The following MBNL1 variants were observed in gnomAD, a reference collection of about 807,000 sequenced individuals.
MBNL1 encodes muscleblind like splicing regulator 1, also known as muscleblind-like protein 1.
In MBNL1, 8 loss-of-function variants were observed where a neutral mutation model predicts 42.2. The observed-to-expected ratio is 0.19, with a 90% CI of 0.11 to 0.34. The LOEUF (loss-of-function observed/expected upper bound fraction) is 0.34, where lower values mean the gene tolerates loss of function less well. Ranked by LOEUF, MBNL1 falls within the 10% of genes least tolerant of loss-of-function variation. The pLI, the probability that MBNL1 is intolerant of heterozygous loss-of-function variation, is 1.00. For synonymous variants in MBNL1, 169 were observed against 173.9 expected, an observed-to-expected ratio of 0.97 and a Z score of 0.22; for missense variants, 309 against 495.3, an observed-to-expected ratio of 0.62 and a Z score of 3.57.
At chr3:152,338,198 T>C in intron 2 of MBNL1, 1 of 985,476 alleles carries the variant, frequency 1.0e-6, no homozygotes, top group South Asian at 4.7e-5. Context: ...ATGTATTTTG[T>C]TGCATTTCTC....
chr3:152,358,684 A>G (rs139452696), intron 2 of MBNL1, among the ~76,000 whole-genome samples: 3 of 152,180 alleles, frequency 2.0e-5, no homozygotes, highest in East Asian at 1.9e-4. Context: ...TAGTTTAACT[A>G]TCTTTTCTAA....
Position 152,432,866 on chromosome 3 carries a change from A to G in MBNL1, c.495A>G (p.Val165=), listed in dbSNP as rs757309204. 1 of 1,614,090 alleles carries G rather than the reference A, an allele frequency of 6.2e-7. No homozygotes were observed. Among genetic ancestry groups the G allele is most frequent in the Non-Finnish European group, 8.5e-7 (1 of 1,179,952 alleles). ...TTACAGGGAATCCGGGTGTCCCTGT[A>G]CCTGCAGCTGCTGCAGCTGCTGCAC... ...MLVTGNPGVP[V]PAAAAAAAQK... The change falls in exon 4 of 10, where the codon GTA becomes GTG. Residue 165 remains valine (V), a synonymous_variant. Coordinates refer to ENST00000324210, the MANE Select transcript of MBNL1 (RefSeq NM_021038.5).
At chr3:152,290,110 T>C (rs1360252725) in intron 1 of MBNL1, among the ~76,000 whole-genome samples, 1 of 152,100 alleles carries the variant, frequency 6.6e-6, no homozygotes, top group Non-Finnish European at 1.5e-5. Context: ...ATTTTCCTGA[T>C]TGAGGTTATC....
intron 2 of MBNL1, among the ~76,000 whole-genome samples, chr3:152,375,239 A>G (rs1048686997): frequency 2.5e-4 from 38 of 152,338 alleles, no homozygotes; most frequent in South Asian, 4.1e-4. Context: ...CAAGTAAAGC[A>G]TTGGCACTAA....
At chr3:152,422,394 G>A (rs756336583) in intron 3 of MBNL1, among the ~76,000 whole-genome samples, 7 of 151,724 alleles carry the variant, frequency 4.6e-5, no homozygotes, top group Non-Finnish European at 1.0e-4. Flanking sequence ...GCAACAAGAA[G>A]AGCTAACTAT....
intron 2 of MBNL1, among the ~76,000 whole-genome samples, chr3:152,409,594 C>T (rs781280669): frequency 2.6e-5 from 4 of 152,146 alleles, no homozygotes; most frequent in Non-Finnish European, 4.4e-5. Flanking sequence ...TCAGCTATCC[C>T]AAAAGGAAAT....
intron 2 of MBNL1, among the ~76,000 whole-genome samples, chr3:152,331,110 C>G (rs1002655662): frequency 8.6e-5 from 13 of 151,248 alleles, no homozygotes; most frequent in Non-Finnish European, 1.9e-4. Flanking sequence ...TCCCTTCTCC[C>G]TCTCTCCTTC....
At chr3:152,263,289 T>TACAA (rs1415818696), upstream of MBNL1, 1 of 152,204 alleles carries the variant, frequency 6.6e-6, no homozygotes, top group Non-Finnish European at 1.5e-5. Flanking sequence ...TAAACTGTAA[T>TACAA]ACAAACAGTT....
chr3:152,347,211 G>A (rs899203086), intron 2 of MBNL1, among the ~76,000 whole-genome samples: 5 of 152,008 alleles, frequency 3.3e-5, no homozygotes. Flanking sequence ...TACATGAGAA[G>A]AGTTCCCTTT....
chr3:152,293,979 T>G (rs144001402), intron 1 of MBNL1, among the ~76,000 whole-genome samples: 151 of 151,188 alleles, frequency 1.0e-3, no homozygotes, highest in African/African-American at 3.6e-3. Context: ...ATGTAATTTT[T>G]AAGAATAATT....
intron 2 of MBNL1, among the ~76,000 whole-genome samples, chr3:152,377,577 ATGTT>A (rs1358297798): frequency 2.0e-5 from 3 of 152,216 alleles, no homozygotes; most frequent in African/African-American, 4.8e-5. Flanking sequence ...ATAGCAAGAA[ATGTT>A]TGTTGTCATT....
chr3:152,421,277 C>T (rs1211800878), intron 3 of MBNL1, among the ~76,000 whole-genome samples: 6 of 152,054 alleles, frequency 3.9e-5, no homozygotes, highest in African/African-American at 1.2e-4. Context: ...AGATTTTTTT[C>T]GTACCCCAGT....
chr3:152,250,273 T>A (rs1240381350), intron 2 of MBNL1, among the ~76,000 whole-genome samples: 1 of 151,822 alleles, frequency 6.6e-6, no homozygotes, highest in Non-Finnish European at 1.5e-5. Flanking sequence ...CTTCCATTTG[T>A]TTGTATCCTC....
Position 152,400,465 on chromosome 3 carries a change from A to T in MBNL1, c.175-14476A>T, listed in dbSNP as rs375472553. Among the ~76,000 whole-genome samples, 48 of 152,302 alleles carry T rather than the reference A, an allele frequency of 3.2e-4. No individual in the cohort carries two copies. The South Asian group carries it at 1.0e-2, about 32-fold the overall frequency. On this transcript the variant is annotated intron_variant, in intron 2 of 9. Transcript: ENST00000324210. ...AATTGTATAGAATCTATTATTACTT[A>T]TCTAATTTGCTATAAATAACACTGA...
intron 2 of MBNL1, among the ~76,000 whole-genome samples, chr3:152,309,023 T>A (rs2064845256): frequency 6.6e-6 from 1 of 152,108 alleles, no homozygotes; most frequent in Admixed American, 6.5e-5. Flanking sequence ...GAGACTAGTA[T>A]ATTAGGTGGT....
At chr3:152,262,091 C>G (rs1215148813) in intron 2 of MBNL1, among the ~76,000 whole-genome samples, 1 of 152,172 alleles carries the variant, frequency 6.6e-6, no homozygotes, top group Non-Finnish European at 1.5e-5. Context: ...GACTTAATAA[C>G]TTCTTTATCC....
chr3:152,454,810 G>A (rs1448635691), intron 6 of MBNL1, among the ~76,000 whole-genome samples: 1 of 152,240 alleles, frequency 6.6e-6, no homozygotes, highest in African/African-American at 2.4e-5. Context: ...TGATTTCCTA[G>A]ATACTGTGAA....
intron 6 of MBNL1, chr3:152,449,494 C>G (rs1261466911): frequency 6.6e-6 from 1 of 152,120 alleles, no homozygotes; most frequent in Non-Finnish European, 1.5e-5. Context: ...TTTTCAACAA[C>G]TCTCAAATGA....
At chr3:152,252,165 T>TCCTTCCTTCCTTCCC (rs2034688333) in intron 2 of MBNL1, among the ~76,000 whole-genome samples, 1 of 144,142 alleles carries the variant, frequency 6.9e-6, no homozygotes, top group African/African-American at 2.6e-5. Flanking sequence ...CCTTCCTTCC[T>TCCTTCCTTCCTTCCC]TCCTTCCTTC....
Sources: gnomAD v4.1 joint callset for allele counts (sites outside exome capture counted in the v4.1 genomes callset) on GRCh38, gnomAD v4.1.1 for gene constraint, MANE v1.5 for transcripts, NCBI Gene and HGNC (gene_info 2026-07-23, HGNC 2026-07-21) for gene names.